The following FLNB variants were observed in gnomAD, a reference collection of about 807,000 sequenced individuals.
FLNB encodes filamin-B.
In FLNB, 111 loss-of-function variants were observed where a neutral mutation model predicts 250.6. The ratio of observed to expected loss-of-function variants is 0.44; its 90% CI spans 0.38 to 0.52. The LOEUF (loss-of-function observed/expected upper bound fraction) is 0.52. Among genes scored for constraint, FLNB ranks in the 20% least tolerant of loss-of-function variants. FLNB has a pLI of 0.00. For missense variants in FLNB, 2,869 were observed against 3,447.8 expected, an observed-to-expected ratio of 0.83 and a Z score of 4.20; for synonymous variants, 1,302 against 1,372.1, an observed-to-expected ratio of 0.95 and a Z score of 1.13.
In FLNB at chr3:58,081,709, C is replaced by T. The variant is rs111433950; in HGVS notation, c.720C>T (p.Ala240=). ...VMTYLSQFPK[A]KLKPGAPLKP... Reference sequence around the variant, plus strand: ...CTTACCTGTCCCAGTTCCCCAAAGCCAAGCTCAAGCCGGGGGCTCCTCTCA... The same window carrying T: ...CTTACCTGTCCCAGTTCCCCAAAGCTAAGCTCAAGCCGGGGGCTCCTCTCA... The change falls in exon 4 of 46, where the codon GCC becomes GCT. Residue 240 remains alanine (A), a synonymous_variant. Transcript: ENST00000295956. 9.9e-4 allele frequency: 1,601 copies of T among 1,614,100 alleles called. 9 individuals are homozygous for T. The African/African-American group carries it at 0.018, about 18-fold the overall frequency.
chr3:58,140,165 C>T (rs2097324331), intron 29 of FLNB, among the ~76,000 whole-genome samples: 1 of 152,158 alleles, frequency 6.6e-6, no homozygotes, highest in Admixed American at 6.5e-5. Context: ...CCCTGCTTCC[C>T]TCTATAAGTT....
intron 34 of FLNB, among the ~76,000 whole-genome samples, chr3:58,147,294 TAGTGCATGA>T (rs879799860): frequency 1.3e-5 from 2 of 152,364 alleles, no homozygotes; most frequent in Non-Finnish European, 1.5e-5. Flanking sequence ...CTTACTGCAA[TAGTGCATGA>T]AGTGCATGAG....
intron 42 of FLNB, 52 bp downstream of exon 42, chr3:58,159,738 T>A: frequency 1.9e-6 from 3 of 1,599,438 alleles, no homozygotes; most frequent in Non-Finnish European, 2.6e-6. Flanking sequence ...TCCAGCAGAA[T>A]GTTCCTGTAA....
chr3:58,167,708 C>T (rs997973480), intron 43 of FLNB, among the ~76,000 whole-genome samples: 6 of 152,234 alleles, frequency 3.9e-5, no homozygotes, highest in African/African-American at 7.2e-5. Flanking sequence ...GGTTCAAACC[C>T]GGCTCTACCA....
At chr3:58,150,047 T>C (rs1287551837) in intron 37 of FLNB, 45 bp downstream of exon 37, 37 of 1,614,314 alleles carry the variant, frequency 2.3e-5, no homozygotes, top group Non-Finnish European at 3.1e-5. Context: ...TTGGGTTTTC[T>C]GTAAATGCTG....
rs563531381 is a variant in FLNB, at chr3:58,103,218, T to C, written c.1484-741T>C. ...CTGCCCAGACCTGGAGTCAAGCTGC[T>C]TGGGGACTGTCTTCCCTCCCAGATT... On this transcript the variant is annotated intron_variant, in intron 9 of 45. Transcript: ENST00000295956. 3.3e-5 allele frequency among the ~76,000 whole-genome samples: 5 copies of C among 151,922 alleles called. No homozygotes were observed. The South Asian group carries it at 8.3e-4, about 25-fold the overall frequency.
chr3:58,057,686 G>A (rs1001444504), intron 1 of FLNB, among the ~76,000 whole-genome samples: 8 of 152,180 alleles, frequency 5.3e-5, no homozygotes, highest in Non-Finnish European at 5.9e-5. Flanking sequence ...TGGGTGGGTG[G>A]TCCCTTGGTA....
rs75135586 is a variant in FLNB, at chr3:58,144,680, A to G, written c.5425+1067A>G. 8.0e-3 allele frequency among the ~76,000 whole-genome samples: 1,226 copies of G among 152,344 alleles called. 13 individuals are homozygous for G. Among genetic ancestry groups the G allele is most frequent in the African/African-American group, 0.028 (1,164 of 41,582 alleles). ...CTATGATTTTGACAGATCTTGCCAA[A>G]TTGCCCTTCAGAGGGGCTGTTGCAG... On this transcript the variant is annotated intron_variant, in intron 32 of 45. Coordinates refer to ENST00000295956, the MANE Select transcript of FLNB (RefSeq NM_001457.4).
chr3:58,136,065 G>A lies in FLNB; in HGVS notation c.4758G>A (p.Gly1586=). 2.5e-6 allele frequency: 4 copies of A among 1,614,218 alleles called. No homozygotes were observed. The highest frequency in any genetic ancestry group is 3.4e-6 in the Non-Finnish European group (4 of 1,180,044). The change falls in exon 28 of 46, where the codon GGG becomes GGA. Residue 1586 remains glycine (G), a synonymous_variant. Transcript: ENST00000295956. ...TCACCTACATCCCCGACAAGACTGG[G>A]CGCTATATGATTGGAGTCACCTACG... ...YAVTYIPDKT[G]RYMIGVTYGG...
chr3:58,083,693 C>T (rs2097212681), intron 4 of FLNB, among the ~76,000 whole-genome samples: 1 of 152,104 alleles, frequency 6.6e-6, no homozygotes, highest in Non-Finnish European at 1.5e-5. Flanking sequence ...GTTCTCACCT[C>T]AGTGGTCGAG....
intron 8 of FLNB, among the ~76,000 whole-genome samples, chr3:58,101,725 GACA>G (rs1156610252): frequency 6.6e-6 from 1 of 152,320 alleles, no homozygotes; most frequent in Non-Finnish European, 1.5e-5. Flanking sequence ...TCAGGCGGAA[GACA>G]ACAACATTTA....
intron 1 of FLNB, among the ~76,000 whole-genome samples, chr3:58,063,059 G>T (rs2097180781): frequency 6.6e-6 from 1 of 152,162 alleles, no homozygotes; most frequent in South Asian, 2.1e-4. Context: ...TCATTTTGCA[G>T]GTGAGGACAC....
rs372932282 is a variant in FLNB, at chr3:58,134,743, G to A, written c.4642G>A (p.Gly1548Arg). The change falls in exon 27 of 46, where the codon GGG (glycine) becomes AGG (arginine). Residue 1548 changes from glycine to arginine, a missense_variant. Transcript: ENST00000295956. Reference protein sequence around the residue: ...VDFAIDARDAGEGLLAVQITD... With the variant: ...VDFAIDARDAREGLLAVQITD... ...CTTTGCAATTGATGCCCGAGATGCC[G>A]GGGAAGGCCTGCTTGCTGTTCAAAT... is the stretch of plus-strand genomic sequence containing the variant. 1 of 1,614,046 alleles carries A rather than the reference G, an allele frequency of 6.2e-7. No homozygotes were observed. The highest frequency in any genetic ancestry group is 8.5e-7 in the Non-Finnish European group (1 of 1,179,936).
chr3:58,057,909 G>C (rs13326449), intron 1 of FLNB, among the ~76,000 whole-genome samples: 3,710 of 152,152 alleles, frequency 0.024, 125 homozygotes, highest in African/African-American at 0.084. Context: ...TCCTACCTCA[G>C]CCTCCCGAGT....
At chr3:58,077,926 C>G (rs915353113) in intron 2 of FLNB, among the ~76,000 whole-genome samples, 1 of 151,888 alleles carries the variant, frequency 6.6e-6, no homozygotes, top group East Asian at 1.9e-4. Flanking sequence ...AGTAGAAAGA[C>G]CAGAGTCAGA....
intron 18 of FLNB, among the ~76,000 whole-genome samples, chr3:58,114,739 A>G (rs570466836): frequency 7.1e-6 from 1 of 140,046 alleles, no homozygotes; most frequent in South Asian, 2.3e-4. Context: ...GTTGTTGTTG[A>G]TAGTGACCAT....
chr3:58,014,951 A>G (rs1223830990), intron 1 of FLNB, among the ~76,000 whole-genome samples: 1 of 151,446 alleles, frequency 6.6e-6, no homozygotes, highest in African/African-American at 2.4e-5. Flanking sequence ...CTGGTCTCGA[A>G]CTCCCAACCT....
chr3:58,074,744 T>C (rs2097199349), intron 1 of FLNB, among the ~76,000 whole-genome samples: 1 of 152,242 alleles, frequency 6.6e-6, no homozygotes, highest in Non-Finnish European at 1.5e-5. Context: ...TTCATTTTTC[T>C]CTGAGCCCCA....
intron 1 of FLNB, among the ~76,000 whole-genome samples, chr3:58,027,623 T>C (rs1027769469): frequency 4.6e-5 from 7 of 152,200 alleles, no homozygotes; most frequent in African/African-American, 1.4e-4. Context: ...CTACCATCAC[T>C]GGGGCCCTCG....
Sources: gnomAD v4.1 joint callset for allele counts (sites outside exome capture counted in the v4.1 genomes callset) on GRCh38, gnomAD v4.1.1 for gene constraint, MANE v1.5 for transcripts, NCBI Gene and HGNC (gene_info 2026-07-23, HGNC 2026-07-21) for gene names.